ZNF75D: variants seen among roughly 807,000 people sequenced by gnomAD.
The protein encoded by ZNF75D is zinc finger protein 75D.
In ZNF75D, 33 loss-of-function variants were observed where a neutral mutation model predicts 33.3. That is an observed-to-expected ratio of 0.99 (90% CI 0.75 to 1.32). The LOEUF is 1.32. Among genes scored for constraint, ZNF75D ranks in the 40% most tolerant of loss-of-function variants. ZNF75D has a pLI of 0.00. For synonymous variants in ZNF75D, 113 were observed against 130.6 expected, an observed-to-expected ratio of 0.87 and a Z score of 0.92; for missense variants, 338 against 367.5, an observed-to-expected ratio of 0.92 and a Z score of 0.66.
downstream of ZNF75D, among the ~76,000 whole-genome samples, chrX:135,284,577 C>T (rs2083933493): frequency 1.8e-5 from 2 of 111,561 alleles, no homozygotes; most frequent in Non-Finnish European, 3.8e-5. Context: ...GGTGGAGTAT[C>T]TGAACTTGGA....
chrX:135,329,810 AT>A (rs1207647956), intron 1 of ZNF75D, among the ~76,000 whole-genome samples: 1 of 112,302 alleles, frequency 8.9e-6, no homozygotes, highest in Non-Finnish European at 1.9e-5. Flanking sequence ...CCTGAATATG[AT>A]TTTTTTAAAT....
At chrX:135,264,007 T>A (rs1371948531) in intron 1 of ZNF75D, among the ~76,000 whole-genome samples, 5 of 112,343 alleles carry the variant, frequency 4.5e-5, no homozygotes, top group Admixed American at 1.9e-4. Flanking sequence ...TGAGTCTTCA[T>A]CCCTTCAAAT....
intron 1 of ZNF75D, chrX:135,298,096 A>G: frequency 8.9e-6 from 1 of 111,802 alleles, no homozygotes; most frequent in Non-Finnish European, 1.9e-5. Flanking sequence ...AAATACCATC[A>G]CATTGGGGAT....
intron 3 of ZNF75D, among the ~76,000 whole-genome samples, 181 bp downstream of exon 3, chrX:135,293,549 G>A (rs1431039075): frequency 1.8e-5 from 2 of 112,463 alleles, no homozygotes; most frequent in Admixed American, 1.9e-4. Context: ...GAAAGGCTCT[G>A]CCAGAAATCT....
chrX:135,340,641 G>A (rs1463207308), intron 1 of ZNF75D, among the ~76,000 whole-genome samples: 1 of 112,002 alleles, frequency 8.9e-6, no homozygotes, highest in African/African-American at 3.2e-5. Flanking sequence ...TGTTTATGGG[G>A]GAGGGGTGTC....
At chrX:135,332,718 CTCTA>C (rs2148494687) in intron 1 of ZNF75D, among the ~76,000 whole-genome samples, 1 of 112,470 alleles carries the variant, frequency 8.9e-6, no homozygotes, top group African/African-American at 3.2e-5. Context: ...TCAACTGGTA[CTCTA>C]TCTAGTCTCA....
intron 1 of ZNF75D, among the ~76,000 whole-genome samples, chrX:135,307,169 A>G (rs782368942): frequency 6.9e-4 from 77 of 112,037 alleles, no homozygotes; most frequent in African/African-American, 2.5e-3. Context: ...CTGAATACCA[A>G]TAAGTTCTCT....
intron 1 of ZNF75D, among the ~76,000 whole-genome samples, chrX:135,314,758 G>A (rs1485317700): frequency 8.9e-6 from 1 of 111,749 alleles, no homozygotes; most frequent in Non-Finnish European, 1.9e-5. Flanking sequence ...TCCCGTTTAT[G>A]AGCATATAGG....
rs2084055297 is a variant in ZNF75D, at chrX:135,292,336, T to C, written c.549A>G (p.Leu183=). The part of the protein sequence containing the change: ...QKEYWNTYRV[L]QEQLGWNTHK... Reference sequence around the variant, plus strand: ...GAGTGTTCCAGCCCAGCTGTTCTTGTAGTACCCGGTATGTATTCCAATATT... The same window carrying C: ...GAGTGTTCCAGCCCAGCTGTTCTTGCAGTACCCGGTATGTATTCCAATATT... The change falls in exon 4 of 7, where the codon CTA becomes CTG. Residue 183 remains leucine (L), a synonymous_variant. Transcript: ENST00000370766. The C allele has an allele frequency of 3.3e-6, 4 of 1,210,018 alleles. No homozygotes were observed. The highest frequency in any genetic ancestry group is 3.5e-5 in the South Asian group (2 of 56,800).
intron 1 of ZNF75D, among the ~76,000 whole-genome samples, chrX:135,333,721 AAAC>A (rs2084678125): frequency 8.9e-6 from 1 of 111,889 alleles, no homozygotes. Context: ...CCTTCCCGCA[AAAC>A]AAATTCTGCC....
chrX:135,311,942 A>G (rs868955811), intron 1 of ZNF75D, among the ~76,000 whole-genome samples: 1 of 112,061 alleles, frequency 8.9e-6, no homozygotes. Flanking sequence ...ATGATCAAGT[A>G]AGGGTATTTG....
At chrX:135,262,410 C>T (rs990134040) in intron 1 of ZNF75D, among the ~76,000 whole-genome samples, 1 of 112,207 alleles carries the variant, frequency 8.9e-6, no homozygotes, top group Non-Finnish European at 1.9e-5. Flanking sequence ...TTCCATTCTC[C>T]CCATCACTTT....
intron 1 of ZNF75D, among the ~76,000 whole-genome samples, chrX:135,323,819 G>A (rs1254046758): frequency 1.8e-5 from 2 of 111,744 alleles, no homozygotes; most frequent in Non-Finnish European, 3.8e-5. Context: ...AATAAATGCA[G>A]AGCAAAGAAA....
chrX:135,310,782 A>G (rs1200610346), intron 1 of ZNF75D, among the ~76,000 whole-genome samples: 2 of 110,852 alleles, frequency 1.8e-5, no homozygotes, highest in African/African-American at 3.3e-5. Context: ...TAACTCCTCT[A>G]TGTCCATTTA....
At chrX:135,267,800 A>T (rs1306372635) in intron 1 of ZNF75D, among the ~76,000 whole-genome samples, 1 of 98,686 alleles carries the variant, frequency 1.0e-5, no homozygotes, top group African/African-American at 3.5e-5. Flanking sequence ...CTAGACAAAG[A>T]TACACCAAAA....
downstream of ZNF75D, among the ~76,000 whole-genome samples, chrX:135,280,835 T>C (rs1471610343): frequency 8.9e-5 from 10 of 112,241 alleles, no homozygotes; most frequent in African/African-American, 3.2e-4. Context: ...TTCTGGCTTG[T>C]AGGGTTTCTG....
At chrX:135,264,608 A>G (rs1469889248) in intron 1 of ZNF75D, among the ~76,000 whole-genome samples, 1 of 112,212 alleles carries the variant, frequency 8.9e-6, no homozygotes, top group Non-Finnish European at 1.9e-5. Context: ...AGAATTAAAC[A>G]TTAGCTGTTT....
At chrX:135,292,083 G>C (rs1247142125) in intron 4 of ZNF75D, among the ~76,000 whole-genome samples, 198 bp downstream of exon 4, 5 of 111,527 alleles carry the variant, frequency 4.5e-5, no homozygotes, top group Non-Finnish European at 9.4e-5. Context: ...AGTGTGAATA[G>C]CAGGGTTCTG....
chrX:135,335,977 C>T (rs2048114019), intron 1 of ZNF75D, among the ~76,000 whole-genome samples: 1 of 111,980 alleles, frequency 8.9e-6, no homozygotes, highest in African/African-American at 3.2e-5. Flanking sequence ...AAATACTATC[C>T]TTATGTTTTC....
Sources: allele counts gnomAD v4.1 joint callset (sites outside exome capture counted in the v4.1 genomes callset), GRCh38; gene constraint gnomAD v4.1.1; transcripts MANE v1.5; gene names NCBI Gene and HGNC (gene_info 2026-07-23, HGNC 2026-07-21).